Variants in PKIG observed in about 807,000 individuals in gnomAD.
PKIG encodes cAMP-dependent protein kinase inhibitor gamma, also known as protein kinase (cAMP-dependent, catalytic) inhibitor gamma.
PKIG carries 1 observed loss-of-function variant against 6.8 expected under a neutral mutation model. That is an observed-to-expected ratio of 0.15 (90% CI 0.05 to 0.69). The LOEUF (loss-of-function observed/expected upper bound fraction) is 0.69. Among genes scored for constraint, PKIG ranks in the 30% least tolerant of loss-of-function variants. PKIG has a pLI of 0.82. For synonymous variants in PKIG, 39 were observed against 43.0 expected (o/e 0.91, Z 0.36); for missense variants, 77 against 104.0 (o/e 0.74, Z 1.13).
intron 2 of PKIG, among the ~76,000 whole-genome samples, chr20:44,600,512 A>T (rs945003811): frequency 2.0e-5 from 3 of 151,938 alleles, no homozygotes; most frequent in African/African-American, 7.3e-5. Context: ...CATGTGGAGG[A>T]GAGAGGTCAG....
At chr20:44,605,307 T>C (rs1025543161) in intron 2 of PKIG, among the ~76,000 whole-genome samples, 1 of 148,160 alleles carries the variant, frequency 6.7e-6, no homozygotes, top group African/African-American at 2.5e-5. Flanking sequence ...CTCAGGAGGC[T>C]GAGGCAGGAG....
chr20:44,593,356 T>C (rs2065048997), intron 2 of PKIG, among the ~76,000 whole-genome samples: 1 of 123,530 alleles, frequency 8.1e-6, no homozygotes, highest in South Asian at 2.6e-4. Flanking sequence ...TATAATGCTA[T>C]AATAATCAAC....
chr20:44,546,903 A>G (rs980592896), intron 1 of PKIG, among the ~76,000 whole-genome samples: 2 of 152,164 alleles, frequency 1.3e-5, no homozygotes, highest in Non-Finnish European at 2.9e-5. Context: ...CAGGGAGTTC[A>G]ATGTAATGGA....
intron 1 of PKIG, among the ~76,000 whole-genome samples, chr20:44,540,697 C>T (rs891302714): frequency 6.6e-6 from 1 of 152,098 alleles, no homozygotes; most frequent in Non-Finnish European, 1.5e-5. Flanking sequence ...CCTGCCTCGG[C>T]CTCCTGAGTA....
chr20:44,573,813 A>G (rs2064873505), intron 1 of PKIG, among the ~76,000 whole-genome samples: 1 of 152,262 alleles, frequency 6.6e-6, no homozygotes, highest in Non-Finnish European at 1.5e-5. Flanking sequence ...TTATTATTAC[A>G]CTTAATGTGG....
intron 1 of PKIG, among the ~76,000 whole-genome samples, chr20:44,541,065 G>C (rs2064557355): frequency 6.6e-6 from 1 of 152,222 alleles, no homozygotes; most frequent in African/African-American, 2.4e-5. Context: ...TGGCTTCTAG[G>C]CATGGGAATT....
rs145205708 is a variant in PKIG at position 44,559,156 on chromosome 20, G to A, written c.-240-23429G>A. On this transcript the variant is annotated intron_variant, in intron 1 of 4. Coordinates refer to the PKIG transcript ENST00000372887. ...TTTTTAAAAGGTGCAGAATATTTAA[G>A]TAAGATTTCTTCTCCCCTTTCCCCT... Among the ~76,000 whole-genome samples the A allele has an allele frequency of 5.0e-3, 761 of 152,226 alleles. 4 individuals are homozygous for A. Among genetic ancestry groups the A allele is most frequent in the African/African-American group, 0.017 (710 of 41,516 alleles).
rs145141903 is a variant in PKIG, at chr20:44,565,388, A to T, written c.-240-17197A>T. Among the ~76,000 whole-genome samples the T allele has an allele frequency of 3.3e-5, 5 of 152,348 alleles. No homozygotes were observed. In the East Asian group the frequency reaches 9.7e-4, roughly 29 times the overall value. On this transcript the variant is annotated intron_variant, in intron 1 of 4. Transcript: ENST00000372887. ...TTCTTAGTAGCAAACAACAAAATTC[A>T]CTGTAGTTGGCATAAGCAGAAAGGT...
At chr20:44,569,697 C>T (rs566344573) in intron 1 of PKIG, among the ~76,000 whole-genome samples, 50 of 152,248 alleles carry the variant, frequency 3.3e-4, no homozygotes, top group African/African-American at 9.6e-4. Context: ...ACCTCGGCCT[C>T]CCGAGTTCAA....
At chr20:44,597,722 A>AT (rs1378918228) in intron 2 of PKIG, among the ~76,000 whole-genome samples, 5 of 152,050 alleles carry the variant, frequency 3.3e-5, no homozygotes, top group African/African-American at 1.2e-4. Context: ...CCTGCTGCGG[A>AT]TGTATGATCT....
intron 1 of PKIG, among the ~76,000 whole-genome samples, chr20:44,544,960 G>A (rs747990522): frequency 1.3e-4 from 8 of 59,484 alleles, no homozygotes; most frequent in Non-Finnish European, 2.0e-4. Flanking sequence ...TTTTGAGATG[G>A]AATCTTGCTC....
chr20:44,553,263 C>T (rs2064684625), intron 1 of PKIG, among the ~76,000 whole-genome samples: 1 of 152,110 alleles, frequency 6.6e-6, no homozygotes, highest in African/African-American at 2.4e-5. Context: ...TTTATGCTGC[C>T]TCGGAGTGCC....
intron 2 of PKIG, among the ~76,000 whole-genome samples, chr20:44,591,052 C>T (rs577710080): frequency 2.6e-5 from 4 of 152,172 alleles, no homozygotes; most frequent in Non-Finnish European, 5.9e-5. Flanking sequence ...TCCTTGCCCT[C>T]AGGAAGCTTG....
At chr20:44,538,619 A>G (rs1419974081) in intron 1 of PKIG, among the ~76,000 whole-genome samples, 2 of 152,278 alleles carry the variant, frequency 1.3e-5, no homozygotes, top group Non-Finnish European at 2.9e-5. Flanking sequence ...ATCCATGAAT[A>G]CTGTACTTCA....
intron 2 of PKIG, among the ~76,000 whole-genome samples, chr20:44,611,005 A>G (rs950881768): frequency 1.3e-5 from 2 of 150,972 alleles, no homozygotes; most frequent in African/African-American, 2.4e-5. Flanking sequence ...TTTCTTTGTG[A>G]TGAGAATATT....
chr20:44,560,882 C>T (rs1325856520), intron 1 of PKIG, among the ~76,000 whole-genome samples: 1 of 152,116 alleles, frequency 6.6e-6, no homozygotes, highest in African/African-American at 2.4e-5. Context: ...ATCACTAGCA[C>T]ATGGGATTAA....
At chr20:44,566,832 C>G (rs769966993) in intron 1 of PKIG, among the ~76,000 whole-genome samples, 1 of 152,024 alleles carries the variant, frequency 6.6e-6, no homozygotes, top group Admixed American at 6.5e-5. Context: ...GGTGACAGAC[C>G]AAGACTGTCT....
At chr20:44,538,946 A>T (rs941238302) in intron 1 of PKIG, among the ~76,000 whole-genome samples, 29 of 150,936 alleles carry the variant, frequency 1.9e-4, no homozygotes, top group Admixed American at 6.6e-5. Flanking sequence ...TCTTTTTGAC[A>T]CAGAGCCTCA....
chr20:44,592,610 G>A (rs2065042356), intron 2 of PKIG, among the ~76,000 whole-genome samples: 1 of 152,170 alleles, frequency 6.6e-6, no homozygotes, highest in Admixed American at 6.5e-5. Context: ...CGTGCATCCA[G>A]GGAAGCACAT....
Sources: allele counts gnomAD v4.1 joint callset (sites outside exome capture counted in the v4.1 genomes callset), GRCh38; gene constraint gnomAD v4.1.1; transcripts MANE v1.5; gene names NCBI Gene and HGNC (gene_info 2026-07-23, HGNC 2026-07-21).